CFAP410: variants seen among roughly 807,000 people sequenced by gnomAD.
CFAP410 encodes the protein cilia and flagella associated protein 410, also known as cilia- and flagella-associated protein 410.
CFAP410 carries 27 observed loss-of-function variants against 25.7 expected under a neutral mutation model. The ratio of observed to expected loss-of-function variants is 1.05; its 90% CI spans 0.77 to 1.45. CFAP410 has a LOEUF of 1.45. Ranked by LOEUF, CFAP410 falls within the 40% of genes most tolerant of loss-of-function variation. The pLI, the probability that CFAP410 is intolerant of heterozygous loss-of-function variation, is 0.00. For missense variants in CFAP410, 428 were observed against 354.1 expected, an observed-to-expected ratio of 1.21 and a Z score of -1.67; for synonymous variants, 178 against 158.4, an observed-to-expected ratio of 1.12 and a Z score of -0.93.
intron 3 of CFAP410, chr21:44,333,839 C>T (rs1280576028): frequency 8.5e-6 from 3 of 352,168 alleles, no homozygotes; most frequent in Non-Finnish European, 1.1e-5. Flanking sequence ...CCGTCCCCTC[C>T]ACAAGCGAAC....
rs1266681053 is a variant in CFAP410, at chr21:44,328,992, A to G, written c.*1206T>C. On this transcript the variant is annotated 3_prime_UTR_variant, in exon 7 of 7. Transcript: ENST00000339818. ...TGAGGGCACCCACTCCACAGTCCCA[A>G]GGAGGCAGACACAGGCCTGAACTGT... 6.6e-6 allele frequency: 1 copy of G among 152,626 alleles called. No individual in the cohort carries two copies. Among genetic ancestry groups the G allele is most frequent in the East Asian group, 1.9e-4 (1 of 5,188 alleles). 9.5% of individuals were successfully genotyped at this position (152,626 alleles called of 1,614,324 possible). A position where few individuals can be genotyped will look rare whatever the true frequency, so the allele number is the denominator to read the frequency against.
chr21:44,335,539 A>G (rs1211163739), intron 3 of CFAP410: 5 of 593,952 alleles, frequency 8.4e-6, no homozygotes, highest in Non-Finnish European at 9.0e-6. Flanking sequence ...AGGAGCCATC[A>G]GGAGGCCCAG....
At chr21:44,333,320 C>G in intron 3 of CFAP410, 58 bp from the exon 4 acceptor site, 2 of 1,371,138 alleles carry the variant, frequency 1.5e-6, no homozygotes, top group Middle Eastern at 2.0e-4. Context: ...AGGGCCACCT[C>G]TCAATCCCCA....
intron 6 of CFAP410, 121 bp from the exon 7 acceptor site, chr21:44,330,447 CGTCCAAGTGACTGACCGGCACACTCGGA>C: frequency 6.5e-7 from 1 of 1,537,766 alleles, no homozygotes; most frequent in Non-Finnish European, 8.8e-7. Context: ...GGGTGTGGGC[CGTCCAAGTGACTGACCGGCACACTCGGA>C]GAATCTGAGC....
intron 2 of CFAP410, 34 bp downstream of exon 2, chr21:44,337,615 A>G (rs367700780): frequency 1.9e-6 from 3 of 1,598,070 alleles, no homozygotes; most frequent in Non-Finnish European, 2.6e-6. Flanking sequence ...GGAGATGATC[A>G]GTGCAATACT....
chr21:44,333,426 G>A (rs2047690029), intron 3 of CFAP410, 164 bp from the exon 4 acceptor site: 9 of 628,346 alleles, frequency 1.4e-5, no homozygotes, highest in South Asian at 9.5e-5. Context: ...GACCTGGGCC[G>A]AGGAGAGAGC....
chr21:44,328,998 C>T lies in CFAP410; in HGVS notation c.*1200G>A. 6.6e-6 allele frequency: 1 copy of T among 152,620 alleles called. No homozygotes were observed. The highest frequency in any genetic ancestry group is 1.5e-5 in the Non-Finnish European group (1 of 68,262). The allele number at this position is 152,620 out of a possible 1,614,324, so 9.5% of individuals were successfully genotyped here. A position where few individuals can be genotyped will look rare whatever the true frequency, so the allele number is the denominator to read the frequency against. ...CACCCACTCCACAGTCCCAAGGAGG[C>T]AGACACAGGCCTGAACTGTCCACCC... is the stretch of plus-strand genomic sequence containing the variant. On this transcript the variant is annotated 3_prime_UTR_variant, in exon 7 of 7. Transcript: ENST00000339818.
chr21:44,334,332 G>T (rs775410911), intron 3 of CFAP410: 1 of 451,652 alleles, frequency 2.2e-6, no homozygotes, highest in South Asian at 1.6e-5. Flanking sequence ...GCAGGGATAG[G>T]GCTGGATCCA....
intron 4 of CFAP410, chr21:44,332,807 CTG>C (rs1168761210): frequency 1.8e-6 from 1 of 558,772 alleles, no homozygotes; most frequent in Admixed American, 3.1e-5. Context: ...GATACCCAAA[CTG>C]TCAGTCCCAG....
At chr21:44,335,602 C>T in intron 3 of CFAP410, 156 bp downstream of exon 3, 1 of 642,886 alleles carries the variant, frequency 1.6e-6, no homozygotes, top group Non-Finnish European at 2.8e-6. Flanking sequence ...GTAGGCCCAG[C>T]TCTCGCTGTC....
chr21:44,338,429 G>T, intron 1 of CFAP410: 1 of 643,922 alleles, frequency 1.6e-6, no homozygotes, highest in Non-Finnish European at 2.5e-6. Context: ...GTGAGACTCA[G>T]CATTACCTGC....
At chr21:44,330,415 A>C (rs2047622855) in intron 6 of CFAP410, 89 bp from the exon 7 acceptor site, 47 of 1,560,998 alleles carry the variant, frequency 3.0e-5, no homozygotes, top group Non-Finnish European at 4.1e-5. Flanking sequence ...GCGGTGCCCC[A>C]CCACGGAGCG....
chr21:44,335,382 G>C (rs181828659), intron 3 of CFAP410: 1 of 289,574 alleles, frequency 3.5e-6, no homozygotes, highest in East Asian at 8.1e-5. Context: ...TCCCAGGGCA[G>C]ATGTGGCCAC....
rs561344830 is a variant in CFAP410, at chr21:44,330,129, C to T, written c.*69G>A. The T allele has an allele frequency of 6.7e-6, 10 of 1,503,042 alleles. No homozygotes were observed. In the African/African-American group the frequency reaches 1.2e-4, roughly 19 times the overall value. 93.1% of individuals were successfully genotyped at this position (1,503,042 alleles called of 1,614,324 possible). On this transcript the variant is annotated 3_prime_UTR_variant, in exon 7 of 7. Coordinates refer to ENST00000339818, the MANE Select transcript of CFAP410 (RefSeq NM_004928.3). Reference sequence around the variant, plus strand: ...GGGCTGCGGCCATGGCAGCCACCCTCCAGCTCCCGGGGGCTGGGGAAGACG... The same window carrying T: ...GGGCTGCGGCCATGGCAGCCACCCTTCAGCTCCCGGGGGCTGGGGAAGACG...
In CFAP410 at chr21:44,330,836, C is replaced by T. The variant is rs752595167; in HGVS notation, c.629G>A (p.Ser210Asn). 4.4e-6 allele frequency: 7 copies of T among 1,604,204 alleles called. No individual in the cohort carries two copies. Among genetic ancestry groups the T allele is most frequent in the Non-Finnish European group, 6.0e-6 (7 of 1,175,830 alleles). ...PSLSARDASS[S>N]HRGRNVLTAI... ...CCCGCCACTCACCCTGCCCCTGTGG[C>T]TGCTCGAGGCATCCCTGGCTGAGAG... The change falls in exon 6 of 7, where the codon AGC (serine) becomes AAC (asparagine). Residue 210 changes from serine (S) to asparagine (N), a missense_variant. Transcript: ENST00000339818.
At position 44,337,617 on chromosome 21, in the gene CFAP410, TGCAATACTTACATCTGTGAG is replaced by T; in HGVS notation, c.96+12_96+31del. 7.5e-6 allele frequency: 12 copies of T among 1,605,234 alleles called. No individual in the cohort carries two copies. Among genetic ancestry groups the T allele is most frequent in the East Asian group, 4.5e-5 (2 of 44,836 alleles). ...GTTGAGGCTATTTGGAGATGATCAG[TGCAATACTTACATCTGTGAG>T]GCAATACTTACATCTGTGAGGCGGC... On this transcript the variant is annotated intron_variant, in intron 2 of 6. Coordinates refer to ENST00000339818, the MANE Select transcript of CFAP410 (RefSeq NM_004928.3).
Position 44,339,302 on chromosome 21 carries a change from G to T in CFAP410, c.-108C>A. 1 of 662,360 alleles carries T rather than the reference G, an allele frequency of 1.5e-6. No individual in the cohort carries two copies. The highest frequency in any genetic ancestry group is 2.3e-6 in the Non-Finnish European group (1 of 439,064). 41.0% of individuals were successfully genotyped at this position (662,360 alleles called of 1,614,324 possible). A position where few individuals can be genotyped will look rare whatever the true frequency, so the allele number is the denominator to read the frequency against. On this transcript the variant is annotated 5_prime_UTR_variant, in exon 1 of 7. Coordinates refer to ENST00000339818, the MANE Select transcript of CFAP410 (RefSeq NM_004928.3). ...GGGCGGGGCCCGCGTCGTCAGGGGC[G>T]GATCCTGAGCCGATTGGCGGCTCGG...
intron 2 of CFAP410, among the ~76,000 whole-genome samples, chr21:44,336,028 C>T (rs112453644): frequency 1.4e-4 from 11 of 76,910 alleles, no homozygotes; most frequent in South Asian, 5.9e-4. Context: ...CTGAGGGGAG[C>T]GGCCCTGCTC....
chr21:44,330,260 G>T lies in CFAP410; in HGVS notation c.709C>A (p.Gln237Lys). The T allele has an allele frequency of 6.2e-7, 1 of 1,602,378 alleles. No homozygotes were observed. The change falls in exon 7 of 7, where the codon CAG becomes AAG. Residue 237 changes from glutamine (Q) to lysine (K), a missense_variant. Gln to Lys is a moderately conservative substitution (Grantham distance 53). Coordinates refer to ENST00000339818, the MANE Select transcript of CFAP410 (RefSeq NM_004928.3). Reference protein sequence around the residue: ...LDAEGLEAVQQTVGSRLQALR... With the variant: ...LDAEGLEAVQKTVGSRLQALR... ...GCCTGCAGCCGGCTGCCCACAGTCT[G>T]CTGCACGGCCTCCAGCCCCTCTGCA...
Sources: gnomAD v4.1 joint callset for allele counts (sites outside exome capture counted in the v4.1 genomes callset) on GRCh38, gnomAD v4.1.1 for gene constraint, MANE v1.5 for transcripts, NCBI Gene and HGNC (gene_info 2026-07-23, HGNC 2026-07-21) for gene names.